DPP10: variants seen among roughly 807,000 people sequenced by gnomAD.
DPP10 encodes dipeptidyl peptidase like 10.
A neutral mutation model predicts 120.9 loss-of-function variants in DPP10; 33 were observed. The observed-to-expected ratio is 0.27, with a 90% CI of 0.21 to 0.37. The LOEUF is 0.37. DPP10 is among the 10% of genes least tolerant of loss of function. The pLI is 1.00. For missense variants in DPP10, 816 were observed against 942.8 expected, an observed-to-expected ratio of 0.87 and a Z score of 1.76; for synonymous variants, 337 against 326.1, an observed-to-expected ratio of 1.03 and a Z score of -0.36.
chr2:115,627,003 T>C (rs548606536), intron 5 of DPP10, among the ~76,000 whole-genome samples: 1 of 152,234 alleles, frequency 6.6e-6, no homozygotes, highest in South Asian at 2.1e-4. Context: ...GCATACTCAA[T>C]GGTTAATAGG....
intron 1 of DPP10, among the ~76,000 whole-genome samples, chr2:115,207,440 A>AAAAAAAAAAAAAAAG: frequency 7.4e-6 from 1 of 134,788 alleles, no homozygotes; most frequent in African/African-American, 3.0e-5. Flanking sequence ...AAAAAAAAAA[A>AAAAAAAAAAAAAAAG]AAAAAAGCTT....
intron 3 of DPP10, among the ~76,000 whole-genome samples, chr2:115,489,837 AG>A (rs966775168): frequency 6.6e-6 from 1 of 152,130 alleles, no homozygotes; most frequent in Non-Finnish European, 1.5e-5. Context: ...TCCCAGATCT[AG>A]GGGAGATTAG....
intron 1 of DPP10, among the ~76,000 whole-genome samples, chr2:115,008,643 C>G (rs990249690): frequency 5.3e-5 from 6 of 113,922 alleles, no homozygotes; most frequent in African/African-American, 1.7e-4. Flanking sequence ...GAACAGGCAA[C>G]CTACAGAATG....
intron 1 of DPP10, among the ~76,000 whole-genome samples, chr2:115,044,342 TA>T (rs896474136): frequency 6.6e-6 from 1 of 152,134 alleles, no homozygotes; most frequent in Non-Finnish European, 1.5e-5. Context: ...CACACACTTT[TA>T]AAAGACCAGA....
chr2:114,565,376 C>A (rs189046825), intron 1 of DPP10, among the ~76,000 whole-genome samples: 1 of 152,246 alleles, frequency 6.6e-6, no homozygotes, highest in East Asian at 1.9e-4. Context: ...TTTGTCTTAC[C>A]ACATTGCCCA....
chr2:115,022,891 T>C (rs559158979), intron 1 of DPP10, among the ~76,000 whole-genome samples: 1 of 151,964 alleles, frequency 6.6e-6, no homozygotes, highest in South Asian at 2.1e-4. Context: ...CAAAAGCATG[T>C]AGTGGGGAAA....
intron 7 of DPP10, among the ~76,000 whole-genome samples, chr2:115,692,522 A>G (rs1419960368): frequency 6.6e-6 from 1 of 152,166 alleles, no homozygotes; most frequent in African/African-American, 2.4e-5. Flanking sequence ...ATTGAATTCA[A>G]ATGTTTTATA....
At chr2:115,108,534 G>C (rs1023193027) in intron 1 of DPP10, among the ~76,000 whole-genome samples, 6 of 152,078 alleles carry the variant, frequency 3.9e-5, no homozygotes, top group Non-Finnish European at 7.4e-5. Flanking sequence ...ATTAAACAAT[G>C]TACAAATCAT....
chr2:115,328,872 A>G (rs2062527911), intron 2 of DPP10, among the ~76,000 whole-genome samples: 1 of 152,012 alleles, frequency 6.6e-6, no homozygotes, highest in Non-Finnish European at 1.5e-5. Context: ...GATCTAACCA[A>G]AGAGATACCT....
intron 1 of DPP10, among the ~76,000 whole-genome samples, chr2:114,802,789 AT>A (rs1486479957): frequency 6.6e-6 from 1 of 152,186 alleles, no homozygotes; most frequent in African/African-American, 2.4e-5. Context: ...GATTCATAAG[AT>A]CTTCTTTTCT....
At chr2:115,115,549 C>T (rs952617017) in intron 1 of DPP10, among the ~76,000 whole-genome samples, 1 of 152,148 alleles carries the variant, frequency 6.6e-6, no homozygotes, top group Non-Finnish European at 1.5e-5. Flanking sequence ...TCTAATTATC[C>T]CTTATCTCAC....
chr2:115,789,366 C>A (rs1683694497), intron 17 of DPP10, among the ~76,000 whole-genome samples: 1 of 152,162 alleles, frequency 6.6e-6, no homozygotes, highest in South Asian at 2.1e-4. Context: ...CACCGTATTA[C>A]ACTGACACCT....
chr2:115,472,659 AC>A (rs2074807311), intron 3 of DPP10, among the ~76,000 whole-genome samples: 1 of 152,110 alleles, frequency 6.6e-6, no homozygotes, highest in African/African-American at 2.4e-5. Flanking sequence ...TTATTTGCCT[AC>A]CTGCCCCATT....
chr2:114,636,088 T>TAA (rs1244424807), intron 1 of DPP10, among the ~76,000 whole-genome samples: 1 of 151,970 alleles, frequency 6.6e-6, no homozygotes, highest in Admixed American at 6.6e-5. Flanking sequence ...GTCTGCTGAG[T>TAA]ACTTGAGTCT....
At chr2:115,678,071 AAGCAG>A (rs1001454690) in intron 5 of DPP10, among the ~76,000 whole-genome samples, 6 of 152,246 alleles carry the variant, frequency 3.9e-5, no homozygotes, top group Non-Finnish European at 8.8e-5. Context: ...AAGTAAGAGG[AAGCAG>A]AGCATAAAAC....
At chr2:114,559,518 T>C (rs1179586622) in intron 1 of DPP10, among the ~76,000 whole-genome samples, 1 of 152,212 alleles carries the variant, frequency 6.6e-6, no homozygotes, top group Non-Finnish European at 1.5e-5. Context: ...TTGTGGCATT[T>C]TAAGCACTAA....
At chr2:115,723,815 T>C in intron 7 of DPP10, among the ~76,000 whole-genome samples, 1 of 152,176 alleles carries the variant, frequency 6.6e-6, no homozygotes, top group East Asian at 1.9e-4. Flanking sequence ...CTTTCTTAAT[T>C]ACAATTTTAT....
chr2:114,896,114 C>T (rs540411883), intron 1 of DPP10, among the ~76,000 whole-genome samples: 4 of 152,246 alleles, frequency 2.6e-5, no homozygotes, highest in Middle Eastern at 3.4e-3. Context: ...GGTAACAGTA[C>T]CATGCTGTTT....
At chr2:114,883,749 C>T (rs1236858241) in intron 1 of DPP10, among the ~76,000 whole-genome samples, 1 of 152,166 alleles carries the variant, frequency 6.6e-6, no homozygotes, top group Non-Finnish European at 1.5e-5. Context: ...CTGATCTCAC[C>T]TGGGCTCGGG....
Sources: gnomAD v4.1 joint callset for allele counts (sites outside exome capture counted in the v4.1 genomes callset) on GRCh38, gnomAD v4.1.1 for gene constraint, MANE v1.5 for transcripts, NCBI Gene and HGNC (gene_info 2026-07-23, HGNC 2026-07-21) for gene names.